The following TTN variants were observed in gnomAD, a reference collection of about 807,000 sequenced individuals.
The protein encoded by TTN is connectin.
TTN carries 1,525 observed loss-of-function variants against 3,223.0 expected under a neutral mutation model. That is an observed-to-expected ratio of 0.47 (90% CI 0.45 to 0.49). The LOEUF (loss-of-function observed/expected upper bound fraction) is 0.49, where lower values mean the gene tolerates loss of function less well. TTN is among the 20% of genes least tolerant of loss of function. The probability of loss-of-function intolerance (pLI) is 0.00; values close to 1 mark genes in which losing one functional copy is unlikely to be tolerated. For synonymous variants in TTN, 14,094 were observed against 15,161.0 expected (o/e 0.93, Z 5.17); for missense variants, 40,786 against 43,424.0 (o/e 0.94, Z 5.40).
In TTN at chr2:178,603,802, A is replaced by C. The variant is rs1419220361; in HGVS notation, c.54811+74T>G. ...TAATTTGGCATAGAAAAATATAAGA[A>C]ATTTAAGGCAGAATTATCCATTTAG... is the stretch of plus-strand genomic sequence containing the variant. On this transcript the variant is annotated intron_variant, in intron 282 of 362. Coordinates refer to ENST00000589042, the MANE Select transcript of TTN (RefSeq NM_001267550.2). The C allele has an allele frequency of 3.6e-6, 5 of 1,380,722 alleles. No individual in the cohort carries two copies. The South Asian group carries it at 8.4e-5, about 23-fold the overall frequency. 85.5% of individuals were successfully genotyped at this position (1,380,722 alleles called of 1,614,324 possible).
At position 178,570,093 on chromosome 2, in the gene TTN, C is replaced by A; in HGVS notation, c.76039G>T (p.Glu25347Ter). Residue 25347 changes from glutamate to a stop codon, truncating the protein, a stop_gained, in exon 326 of 363, where the codon GAA (glutamate) becomes TAA (stop). Coordinates refer to ENST00000589042, the MANE Select transcript of TTN (RefSeq NM_001267550.2). LOFTEE classifies it high-confidence loss of function. Reference sequence around the variant, plus strand: ...TGGCATCTTGTCCATCTAATGCCTTCTTTATCCCGTTTCTCAAGAACATAT... The same window carrying A: ...TGGCATCTTGTCCATCTAATGCCTTATTTATCCCGTTTCTCAAGAACATAT... ...LGYVLEKRDKEGIRWTRCHKR... is the reference protein window; with the variant it reads ...LGYVLEKRDK 6.2e-7 allele frequency: 1 copy of A among 1,613,434 alleles called. No homozygotes were observed. The highest frequency in any genetic ancestry group is 8.5e-7 in the Non-Finnish European group (1 of 1,179,588).
Position 178,722,064 on chromosome 2 carries a change from A to G in TTN, c.22599T>C (p.Asp7533=), listed in dbSNP as rs1553909923. Residue 7533 remains aspartate (D), a synonymous_variant, in exon 78 of 363, where the codon GAT becomes GAC. Transcript: ENST00000589042. ...GAGCACCAGTAACATGACACTCAAA[A>G]TCAGCACTTTCTCCAGCAATAACAT... ...SIDVIAGESA[D]FECHVTGAQP... The G allele has an allele frequency of 3.1e-6, 5 of 1,612,174 alleles. No homozygotes were observed. The highest frequency in any genetic ancestry group is 4.2e-6 in the Non-Finnish European group (5 of 1,178,936).
intron 59 of TTN, 24 bp from the exon 60 acceptor site, chr2:178,731,227 G>A (rs1384243952): frequency 6.2e-7 from 1 of 1,611,510 alleles, no homozygotes; most frequent in Admixed American, 1.7e-5. Flanking sequence ...AGGGATAGAT[G>A]TGGGTTGTGC....
At position 178,774,484 on chromosome 2, in the gene TTN, T is replaced by C. The variant is rs368202177; in HGVS notation, c.6791-11A>G. The C allele has an allele frequency of 8.7e-6, 14 of 1,610,566 alleles. No individual in the cohort carries two copies. Among genetic ancestry groups the C allele is most frequent in the African/African-American group, 2.7e-5 (2 of 74,904 alleles). ...ACTCAACAACTGCACCTGAAGTGTA[T>C]AACAGAAAGATAAATCAATTTTTTT... On this transcript the variant is annotated splice_polypyrimidine_tract_variant and intron_variant, in intron 29 of 362. Transcript: ENST00000589042.
At chr2:178,707,313 T>C (rs2076028034) in intron 100 of TTN, among the ~76,000 whole-genome samples, 1 of 152,220 alleles carries the variant, frequency 6.6e-6, no homozygotes, top group Admixed American at 6.5e-5. Context: ...AGAAATAGGG[T>C]GGTAAACTTG....
At chr2:178,806,364 G>A (rs775929317) in intron 1 of TTN, among the ~76,000 whole-genome samples, 12 of 152,128 alleles carry the variant, frequency 7.9e-5, no homozygotes, top group Non-Finnish European at 1.6e-4. Flanking sequence ...TTGACAATTA[G>A]TAATCAAATT....
rs370865998 is a variant in TTN, at chr2:178,759,017, G to T, written c.10270C>A (p.Gln3424Lys). The T allele has an allele frequency of 3.0e-5, 49 of 1,613,774 alleles. No homozygotes were observed. Among genetic ancestry groups the T allele is most frequent in the Non-Finnish European group, 3.8e-5 (45 of 1,179,920 alleles). Residue 3424 changes from glutamine to lysine, a missense_variant, in exon 44 of 363, where the codon CAA becomes AAA. Physicochemically the swap from Gln to Lys is moderately conservative, Grantham distance 53. Transcript: ENST00000589042. The stretch of plus-strand genomic sequence containing the variant: ...CTCAGGTTGGCTGTGCTTGATACTT[G>T]GCCTACAGCATTACTAGCAACAAAC... ...YTFVASNAVGQVSSTANLSLE... is the reference protein window; with the variant it reads ...YTFVASNAVGKVSSTANLSLE...
Position 178,723,280 on chromosome 2 carries a change from G to A in TTN, c.21727C>T (p.Pro7243Ser). ...LKRLSDHSVEPGKSIILESTY... is the reference protein window; with the variant it reads ...LKRLSDHSVESGKSIILESTY... ...CTCTCCAGAATTATGGACTTCCCTG[G>A]TTCTACAGAATGATCACTTAATCTC... is the stretch of plus-strand genomic sequence containing the variant. Residue 7243 changes from proline to serine, a missense_variant, in exon 75 of 363, where the codon CCA (proline) becomes TCA (serine). Physicochemically the swap from Pro to Ser is moderately conservative, Grantham distance 74 (BLOSUM62 -1). Coordinates refer to ENST00000589042, the MANE Select transcript of TTN (RefSeq NM_001267550.2). The A allele has an allele frequency of 6.2e-7, 1 of 1,613,454 alleles. No individual in the cohort carries two copies. The highest frequency in any genetic ancestry group is 1.7e-5 in the Admixed American group (1 of 59,980).
Position 178,562,494 on chromosome 2 carries a change from C to T in TTN, c.83638G>A (p.Ala27880Thr), listed in dbSNP as rs1319675982. 1.2e-6 allele frequency: 2 copies of T among 1,613,156 alleles called. No individual in the cohort carries two copies. The highest frequency in any genetic ancestry group is 2.2e-5 in the South Asian group (2 of 90,896). Residue 27880 changes from alanine to threonine, a missense_variant, in exon 326 of 363, where the codon GCT becomes ACT. Physicochemically the swap from Ala to Thr is moderately conservative, Grantham distance 58. Transcript: ENST00000589042. The part of the protein sequence containing the change: ...VTLVDVTRNT[A>T]TIKWEKPESD... Reference sequence around the variant, plus strand: ...TCTGGTTTCTCCCACTTAATTGTAGCTGTATTACGGGTCACATCAACAAGA... The same window carrying T: ...TCTGGTTTCTCCCACTTAATTGTAGTTGTATTACGGGTCACATCAACAAGA...
Position 178,757,629 on chromosome 2 carries a change from A to T in TTN, c.10591T>A (p.Ser3531Thr), listed in dbSNP as rs1422997760. Residue 3531 changes from serine (S) to threonine (T), a missense_variant, in exon 45 of 363, where the codon TCA becomes ACA. Transcript: ENST00000589042. ...CAAGAGTACTGCCCAGCATGCTCTG[A>T]GTAAGCATCAACTATAAGCATTAAA... The part of the protein sequence containing the change: ...MALMLIVDAY[S>T]EHAGQYSCKA... 2 of 1,613,758 alleles carry T rather than the reference A, an allele frequency of 1.2e-6. No individual in the cohort carries two copies. Among genetic ancestry groups the T allele is most frequent in the Non-Finnish European group, 1.7e-6 (2 of 1,179,710 alleles).
intron 270 of TTN, among the ~76,000 whole-genome samples, chr2:178,610,646 A>C (rs1007273826): frequency 4.6e-5 from 7 of 151,986 alleles, no homozygotes; most frequent in Non-Finnish European, 7.4e-5. Context: ...GGGGGAATGC[A>C]GAAAATGTTA....
At chr2:178,593,543 C>T in intron 298 of TTN, 25 bp downstream of exon 298, 1 of 1,602,450 alleles carries the variant, frequency 6.2e-7, no homozygotes, top group East Asian at 2.2e-5. Context: ...AGCATTGAAT[C>T]ACTAAAAAGA....
In TTN at chr2:178,611,458, T is replaced by A. The variant is rs768626961; in HGVS notation, c.50771A>T (p.Tyr16924Phe). 1 of 1,612,956 alleles carries A rather than the reference T, an allele frequency of 6.2e-7. No individual in the cohort carries two copies. Among genetic ancestry groups the A allele is most frequent in the South Asian group, 1.1e-5 (1 of 91,064 alleles). Residue 16924 changes from tyrosine (Y) to phenylalanine (F), a missense_variant, in exon 269 of 363, where the codon TAT (tyrosine) becomes TTT (phenylalanine). Tyr to Phe is a conservative substitution (Grantham distance 22). Transcript: ENST00000589042. The part of the protein sequence containing the change: ...VEEGVVPDKE[Y>F]VLRVRAVNAI... ...ATTGACTGCTCTCACTCTCAGGACATATTCTTTGTCAGGAACAACACCTTC... is the reference window on the plus strand; with the variant it reads ...ATTGACTGCTCTCACTCTCAGGACAAATTCTTTGTCAGGAACAACACCTTC...
rs2076079100 is a variant in TTN at position 178,707,655 on chromosome 2, A to C, written c.28912T>G (p.Phe9638Val). 1.2e-6 allele frequency: 2 copies of C among 1,613,934 alleles called. No individual in the cohort carries two copies. The highest frequency in any genetic ancestry group is 1.7e-6 in the Non-Finnish European group (2 of 1,179,860). ...ACAGCTGTCCCACTAGCAAAGCTGAAGCTGCATCTGTCTGAAGGCTTTATT... is the reference window on the plus strand; with the variant it reads ...ACAGCTGTCCCACTAGCAAAGCTGACGCTGCATCTGTCTGAAGGCTTTATT... ...REIKPSDRCS[F>V]SFASGTAVLE... The change falls in exon 100 of 363, where the codon TTC becomes GTC. Residue 9638 changes from phenylalanine to valine, a missense_variant. Coordinates refer to ENST00000589042, the MANE Select transcript of TTN (RefSeq NM_001267550.2).
chr2:178,613,077 A>C lies in TTN; in HGVS notation c.49649-5T>G. 1 of 1,612,460 alleles carries C rather than the reference A, an allele frequency of 6.2e-7. No individual in the cohort carries two copies. Among genetic ancestry groups the C allele is most frequent in the Non-Finnish European group, 8.5e-7 (1 of 1,179,146 alleles). On this transcript the variant is annotated splice_region_variant and splice_polypyrimidine_tract_variant and intron_variant, in intron 264 of 362. Coordinates refer to ENST00000589042, the MANE Select transcript of TTN (RefSeq NM_001267550.2). ...TTCCAGGGGGCCATGGAGGATCTGC[A>C]AGCCAATGAAATCATTGTTTAGGTT...
Position 178,630,320 on chromosome 2 carries a change from G to A in TTN, c.44202C>T (p.His14734=), listed in dbSNP as rs1259077293. Residue 14734 remains histidine, a synonymous_variant, in exon 239 of 363, where the codon CAC becomes CAT. Transcript: ENST00000589042. ...CACCCGTCTGGTCCAGGCGACAGTT[G>A]TGCAAAACAAGGGAGTGTATTTTGC... ...EEGKIHSLVL[H]NCRLDQTGGV... is the part of the protein sequence containing the mutation. 1 of 1,612,918 alleles carries A rather than the reference G, an allele frequency of 6.2e-7. No individual in the cohort carries two copies. Among genetic ancestry groups the A allele is most frequent in the African/African-American group, 1.3e-5 (1 of 74,958 alleles).
intron 106 of TTN, 110 bp downstream of exon 106, chr2:178,704,037 A>C: frequency 7.2e-7 from 1 of 1,389,798 alleles, no homozygotes; most frequent in South Asian, 1.5e-5. Flanking sequence ...GGGAAATAAG[A>C]ACACATGACC....
In TTN at chr2:178,576,120, G is replaced by A. The variant is rs773695377; in HGVS notation, c.70012C>T (p.Arg23338Trp). The change falls in exon 326 of 363, where the codon CGG becomes TGG. Residue 23338 changes from arginine (R) to tryptophan (W), a missense_variant. Physicochemically the swap from Arg to Trp is moderately radical, Grantham distance 101. Transcript: ENST00000589042. This position sits in a 1 kb window ranked among gnomAD's most constrained non-coding sequence, Gnocchi z 4.3. The stretch of plus-strand genomic sequence containing the variant: ...AGTTCAAAATCAGGAGCCATCTCCC[G>A]TTCTACGATTTCAACATCTGGAATC... ...AVIPDVEIVEREMAPDFELDA... is the reference protein window; with the variant it reads ...AVIPDVEIVEWEMAPDFELDA... 15 of 1,613,244 alleles carry A rather than the reference G, an allele frequency of 9.3e-6. No individual in the cohort carries two copies. The highest frequency in any genetic ancestry group is 2.2e-5 in the East Asian group (1 of 44,768).
chr2:178,557,792 C>G lies in TTN; in HGVS notation c.87562G>C (p.Val29188Leu). Residue 29188 changes from valine to leucine, a missense_variant, in exon 328 of 363, where the codon GTG becomes CTG. Val to Leu is a conservative substitution (Grantham distance 32). Transcript: ENST00000589042. ...ATGGTTCTTGCAACTGTTGCAGACA[C>G]TTCAGTCCACACTGCAGTACTTGTT... is the stretch of plus-strand genomic sequence containing the variant. ...RETSTAVWTE[V>L]SATVARTMMK... 1 of 1,613,976 alleles carries G rather than the reference C, an allele frequency of 6.2e-7. No homozygotes were observed.
Sources: gnomAD v4.1 joint callset for allele counts (sites outside exome capture counted in the v4.1 genomes callset) on GRCh38, gnomAD v4.1.1 for gene constraint, Gnocchi (gnomAD v3.1) non-coding constraint, MANE v1.5 for transcripts, NCBI Gene and HGNC (gene_info 2026-07-23, HGNC 2026-07-21) for gene names.